The following HMGXB4 variants were observed in gnomAD, a reference collection of about 807,000 sequenced individuals.
The protein encoded by HMGXB4 is HMG-box containing 4.
In HMGXB4, 27 loss-of-function variants were observed where a neutral mutation model predicts 63.9. The ratio of observed to expected loss-of-function variants is 0.42; its 90% confidence interval spans 0.31 to 0.58. The LOEUF is 0.58. Among genes scored for constraint, HMGXB4 ranks in the 20% least tolerant of loss-of-function variants. HMGXB4 has a pLI of 0.13. For missense variants in HMGXB4, 624 were observed against 700.7 expected (o/e 0.89, Z 1.24); for synonymous variants, 264 against 265.3 (o/e 0.99, Z 0.05).
intron 9 of HMGXB4, among the ~76,000 whole-genome samples, chr22:35,290,383 C>T (rs1051308483): frequency 1.3e-4 from 20 of 151,956 alleles, no homozygotes; most frequent in African/African-American, 4.4e-4. Flanking sequence ...CGGTGGCTCA[C>T]GCCTGTAATC....
At chr22:35,252,872 C>G (rs1326937577), upstream of HMGXB4, among the ~76,000 whole-genome samples, 1 of 152,148 alleles carries the variant, frequency 6.6e-6, no homozygotes. Flanking sequence ...CATGATGGCA[C>G]GCGCCTGTAA....
chr22:35,269,439 A>G (rs1923467255), intron 5 of HMGXB4, among the ~76,000 whole-genome samples: 1 of 152,204 alleles, frequency 6.6e-6, no homozygotes, highest in African/African-American at 2.4e-5. Flanking sequence ...ACTTAGCAGC[A>G]CTGTCTGCTT....
Position 35,264,690 on chromosome 22 carries a change from C to T in HMGXB4, c.302C>T (p.Ser101Phe). 6.3e-7 allele frequency: 1 copy of T among 1,590,548 alleles called. No homozygotes were observed. The highest frequency in any genetic ancestry group is 1.2e-5 in the South Asian group (1 of 86,950). The change falls in exon 5 of 11, where the codon TCC becomes TTC. Residue 101 changes from serine (S) to phenylalanine (F), a missense_variant. Ser to Phe is a radical substitution (Grantham distance 155). Coordinates refer to ENST00000216106, the MANE Select transcript of HMGXB4 (RefSeq NM_001003681.3). Reference sequence around the variant, plus strand: ...TCGTCACAGAAGAAAAAGAAAAAGTCCAGCCCACAGTCTACTGATACAGCT... The same window carrying T: ...TCGTCACAGAAGAAAAAGAAAAAGTTCAGCCCACAGTCTACTGATACAGCT... Reference protein sequence around the residue: ...LESSQKKKKKSSPQSTDTAMD... With the variant: ...LESSQKKKKKFSPQSTDTAMD...
chr22:35,251,030 T>G, the HMGXB4 span, among the ~76,000 whole-genome samples: 1 of 151,864 alleles, frequency 6.6e-6, no homozygotes, highest in African/African-American at 2.4e-5. Context: ...GGGGATGGAC[T>G]GGGCAAACCA....
At chr22:35,255,217 G>A (rs1248068544), upstream of HMGXB4, among the ~76,000 whole-genome samples, 1 of 152,112 alleles carries the variant, frequency 6.6e-6, no homozygotes, top group Non-Finnish European at 1.5e-5. Context: ...TCCTTCCAGG[G>A]CCAGGCATGG....
chr22:35,252,044 G>C, the HMGXB4 span, among the ~76,000 whole-genome samples: 1 of 151,994 alleles, frequency 6.6e-6, no homozygotes, highest in Non-Finnish European at 1.5e-5. Flanking sequence ...GTGAAACCCC[G>C]ACTCTATTAA....
chr22:35,251,050 C>T, the HMGXB4 span, among the ~76,000 whole-genome samples: 247 of 151,168 alleles, frequency 1.6e-3, 1 homozygote, highest in African/African-American at 5.6e-3. Context: ...AAACCCATTG[C>T]CAATACAATG....
rs905064898 is a variant in HMGXB4 at position 35,264,149 on chromosome 22, T to C, written c.259+275T>C. Reference sequence around the variant, plus strand: ...TCCACTTATCTTGTGCCCATTGTTATCTAGCATCCCTTTTGCCATACGTAG... The same window carrying C: ...TCCACTTATCTTGTGCCCATTGTTACCTAGCATCCCTTTTGCCATACGTAG... On this transcript the variant is annotated intron_variant, in intron 4 of 10. Transcript: ENST00000216106. 57 of 1,174,494 alleles carry C rather than the reference T, an allele frequency of 4.9e-5. No individual in the cohort carries two copies. In the Middle Eastern group the frequency reaches 8.4e-4, roughly 17 times the overall value. 72.8% of individuals were successfully genotyped at this position (1,174,494 alleles called of 1,614,324 possible).
chr22:35,243,310 C>T, the HMGXB4 span, among the ~76,000 whole-genome samples: 3 of 151,064 alleles, frequency 2.0e-5, no homozygotes, highest in African/African-American at 7.3e-5. Flanking sequence ...GTGGAGGTTG[C>T]AGTGAGCCGA....
At chr22:35,254,215 C>T (rs1278896134), upstream of HMGXB4, among the ~76,000 whole-genome samples, 1 of 152,168 alleles carries the variant, frequency 6.6e-6, no homozygotes, top group Non-Finnish European at 1.5e-5. Flanking sequence ...TTAGGGAGTG[C>T]CCCCTCTTCA....
chr22:35,253,345 G>A (rs1388498259), upstream of HMGXB4, among the ~76,000 whole-genome samples: 1 of 152,058 alleles, frequency 6.6e-6, no homozygotes, highest in Non-Finnish European at 1.5e-5. Context: ...AGTAATTATG[G>A]ACTTAGACTT....
At chr22:35,284,105 T>A in intron 6 of HMGXB4, 62 bp downstream of exon 6, 1 of 1,060,154 alleles carries the variant, frequency 9.4e-7, no homozygotes, top group Non-Finnish European at 1.5e-6. Flanking sequence ...GCAGTGCGAT[T>A]AATTTCTTCT....
rs1924420396 is a variant in HMGXB4 at position 35,284,006 on chromosome 22, G to A, written c.1260G>A (p.Glu420=). 6.2e-7 allele frequency: 1 copy of A among 1,614,014 alleles called. No individual in the cohort carries two copies. The highest frequency in any genetic ancestry group is 1.3e-5 in the African/African-American group (1 of 74,954). Residue 420 remains glutamate, a synonymous_variant, in exon 6 of 11, where the codon GAG becomes GAA. Coordinates refer to ENST00000216106, the MANE Select transcript of HMGXB4 (RefSeq NM_001003681.3). ...CGGCCTACCAGGTGTTCTGTAAAGA[G>A]TATCGCGTGACCATTGTGGCTGACC... The part of the protein sequence containing the change: ...NMSAYQVFCK[E]YRVTIVADHP...
the HMGXB4 span, among the ~76,000 whole-genome samples, chr22:35,248,480 C>G: frequency 1.3e-5 from 2 of 149,576 alleles, no homozygotes; most frequent in African/African-American, 5.0e-5. Context: ...AATCACAGCT[C>G]ACCGTAGTCT....
At position 35,288,246 on chromosome 22, in the gene HMGXB4, G is replaced by A. The variant is rs375463674; in HGVS notation, c.1477G>A (p.Val493Ile). The change falls in exon 9 of 11, where the codon GTA becomes ATA. Residue 493 changes from valine (V) to isoleucine (I), a missense_variant. Physicochemically the swap from Val to Ile is conservative, Grantham distance 29. This residue lies in a region of HMGXB4 where 152 missense variants were observed against 230.1 expected (regional missense o/e 0.66). Transcript: ENST00000216106. ...EGSMKVKASS[V>I]GVLSPQKKSP... ...CATTGCTCTGTTCTCAGCCTCTTCT[G>A]TAGGAGTACTGTCACCCCAGAAGAA... is the stretch of plus-strand genomic sequence containing the variant. The A allele has an allele frequency of 5.7e-6, 9 of 1,574,270 alleles. No individual in the cohort carries two copies. The African/African-American group carries it at 1.1e-4, about 19-fold the overall frequency.
At chr22:35,276,958 C>T (rs143192464) in intron 5 of HMGXB4, among the ~76,000 whole-genome samples, 140 of 152,296 alleles carry the variant, frequency 9.2e-4, no homozygotes, top group African/African-American at 3.2e-3. Flanking sequence ...GCCACAACTT[C>T]TATTTTGGAA....
intron 5 of HMGXB4, among the ~76,000 whole-genome samples, chr22:35,280,127 G>A (rs941818911): frequency 7.7e-6 from 1 of 130,368 alleles, no homozygotes; most frequent in Admixed American, 8.1e-5. Flanking sequence ...GAGACCTTAA[G>A]TGCATCTGCA....
intron 3 of HMGXB4, 37 bp from the exon 4 acceptor site, chr22:35,263,759 A>G (rs1292927229): frequency 6.9e-7 from 1 of 1,455,386 alleles, no homozygotes; most frequent in Non-Finnish European, 9.7e-7. Context: ...CATTTGCCTC[A>G]TCATCTTATT....
intron 1 of HMGXB4, among the ~76,000 whole-genome samples, chr22:35,257,932 G>A (rs929463439): frequency 2.6e-5 from 4 of 152,160 alleles, no homozygotes; most frequent in Non-Finnish European, 5.9e-5. Flanking sequence ...CGGGAACCCG[G>A]GTTCAGGTCG....
Sources: allele counts gnomAD v4.1 joint callset (sites outside exome capture counted in the v4.1 genomes callset), GRCh38; gene constraint gnomAD v4.1.1; regional missense constraint gnomAD v4.1.1; transcripts MANE v1.5; gene names NCBI Gene and HGNC (gene_info 2026-07-23, HGNC 2026-07-21).